Variants in RAP1GDS1 observed in about 807,000 individuals in gnomAD.
RAP1GDS1 encodes the protein RAP1, GTP-GDP dissociation stimulator 1.
RAP1GDS1 carries 35 observed loss-of-function variants against 71.1 expected under a neutral mutation model. The ratio of observed to expected loss-of-function variants is 0.49; its 90% CI spans 0.38 to 0.65. The LOEUF (loss-of-function observed/expected upper bound fraction) is 0.65, where lower values mean the gene tolerates loss of function less well. Among genes scored for constraint, RAP1GDS1 ranks in the 30% least tolerant of loss-of-function variants. The pLI is 0.00. For missense variants in RAP1GDS1, 663 were observed against 706.1 expected, an observed-to-expected ratio of 0.94 and a Z score of 0.69; for synonymous variants, 229 against 243.1, an observed-to-expected ratio of 0.94 and a Z score of 0.54.
chr4:98,416,004 A>T (rs1418367022), intron 7 of RAP1GDS1, among the ~76,000 whole-genome samples: 1 of 151,716 alleles, frequency 6.6e-6, no homozygotes, highest in Admixed American at 6.6e-5. Flanking sequence ...GTAACCTTGA[A>T]CTCCTGGCCT....
intron 5 of RAP1GDS1, among the ~76,000 whole-genome samples, chr4:98,389,482 C>T (rs1743277630): frequency 6.6e-6 from 1 of 152,066 alleles, no homozygotes; most frequent in African/African-American, 2.4e-5. Context: ...GTTCATCCAA[C>T]TGGATGGCTA....
intron 5 of RAP1GDS1, among the ~76,000 whole-genome samples, chr4:98,383,770 A>G (rs935323186): frequency 4.0e-5 from 6 of 151,586 alleles, no homozygotes; most frequent in Non-Finnish European, 7.4e-5. Flanking sequence ...TGCTACTTTC[A>G]GTCAATAGCA....
chr4:98,382,873 T>C (rs1240153265), intron 5 of RAP1GDS1, among the ~76,000 whole-genome samples: 1 of 151,700 alleles, frequency 6.6e-6, no homozygotes, highest in Non-Finnish European at 1.5e-5. Flanking sequence ...TTGATGTTCC[T>C]TATCTACGTA....
intron 2 of RAP1GDS1, among the ~76,000 whole-genome samples, chr4:98,305,908 G>A (rs979168930): frequency 2.0e-5 from 3 of 152,186 alleles, no homozygotes; most frequent in Non-Finnish European, 4.4e-5. Context: ...AATGTGATTT[G>A]AAATGATGCT....
At chr4:98,268,434 T>A (rs901991285) in intron 1 of RAP1GDS1, among the ~76,000 whole-genome samples, 4 of 152,090 alleles carry the variant, frequency 2.6e-5, no homozygotes, top group Non-Finnish European at 5.9e-5. Context: ...CTCTTGCCAC[T>A]GCTATTTAAG....
In RAP1GDS1 at chr4:98,308,156, A is replaced by ATGTG. The variant is rs1009990837; in HGVS notation, c.112+14655_112+14658dup. ...AAAGAATATATATATGTGTGTATATATGTGTGTGTGTGTGTGTATGTATGT... is the reference window on the plus strand; with the variant it reads ...AAAGAATATATATATGTGTGTATATATGTGTGTGTGTGTGTGTGTGTATGTATGT... On this transcript the variant is annotated intron_variant, in intron 2 of 14. Transcript: ENST00000408927. Among the ~76,000 whole-genome samples, 6 of 148,934 alleles carry ATGTG rather than the reference A, an allele frequency of 4.0e-5. No individual in the cohort carries two copies. In the South Asian group the frequency reaches 8.5e-4, roughly 21 times the overall value.
intron 2 of RAP1GDS1, among the ~76,000 whole-genome samples, chr4:98,300,713 A>G (rs935447568): frequency 2.6e-5 from 4 of 152,078 alleles, no homozygotes; most frequent in African/African-American, 7.2e-5. Context: ...TAGACATAAC[A>G]TTTATATCTA....
intron 2 of RAP1GDS1, among the ~76,000 whole-genome samples, chr4:98,311,598 A>G (rs917814857): frequency 5.3e-5 from 8 of 152,144 alleles, no homozygotes; most frequent in Non-Finnish European, 1.0e-4. Flanking sequence ...ACAGATACAT[A>G]TGATAAGAAA....
At chr4:98,340,815 A>C (rs970963664) in intron 2 of RAP1GDS1, among the ~76,000 whole-genome samples, 2 of 152,078 alleles carry the variant, frequency 1.3e-5, no homozygotes, top group Admixed American at 1.3e-4. Context: ...AGTGGGAGCT[A>C]AACATTGAGT....
At chr4:98,410,495 C>G (rs1746889297) in intron 7 of RAP1GDS1, among the ~76,000 whole-genome samples, 1 of 152,078 alleles carries the variant, frequency 6.6e-6, no homozygotes, top group Non-Finnish European at 1.5e-5. Context: ...ATAGATCCAA[C>G]AATTCTGCTC....
At chr4:98,377,650 G>A (rs1741358279) in intron 4 of RAP1GDS1, among the ~76,000 whole-genome samples, 1 of 150,960 alleles carries the variant, frequency 6.6e-6, no homozygotes, top group African/African-American at 2.4e-5. Flanking sequence ...GTGTGTGTGT[G>A]TATACCATAA....
intron 2 of RAP1GDS1, among the ~76,000 whole-genome samples, chr4:98,339,917 A>G (rs1409604750): frequency 2.0e-5 from 3 of 151,966 alleles, no homozygotes; most frequent in Non-Finnish European, 4.4e-5. Context: ...TTTACAAAGA[A>G]CTTAAAATAG....
At chr4:98,272,485 C>T (rs546056041) in intron 1 of RAP1GDS1, among the ~76,000 whole-genome samples, 58 of 152,076 alleles carry the variant, frequency 3.8e-4, no homozygotes, top group Non-Finnish European at 6.3e-4. Context: ...TAGCTCGGTT[C>T]GTTCAACTTT....
chr4:98,312,750 GAA>G (rs1047097046), intron 2 of RAP1GDS1, among the ~76,000 whole-genome samples: 9 of 151,768 alleles, frequency 5.9e-5, no homozygotes, highest in African/African-American at 1.9e-4. Context: ...TATAGAGAGA[GAA>G]ATAGGTATGG....
At chr4:98,355,703 C>T (rs1475263585) in intron 4 of RAP1GDS1, among the ~76,000 whole-genome samples, 2 of 152,112 alleles carry the variant, frequency 1.3e-5, no homozygotes, top group East Asian at 3.9e-4. Context: ...ACCATAAAAT[C>T]CGTGGAAATC....
chr4:98,270,320 G>A (rs933782428), intron 1 of RAP1GDS1, among the ~76,000 whole-genome samples: 3 of 152,132 alleles, frequency 2.0e-5, no homozygotes, highest in Admixed American at 6.5e-5. Flanking sequence ...ATAAAAGCCT[G>A]TGATTCCTTG....
rs556945198 is a variant in RAP1GDS1, at chr4:98,313,068, C to CAAAA, written c.112+19579_112+19582dup. Among the ~76,000 whole-genome samples the CAAAA allele has an allele frequency of 3.4e-4, 13 of 38,180 alleles. 1 individual carries two copies. Among genetic ancestry groups the CAAAA allele is most frequent in the South Asian group, 1.1e-3 (1 of 920 alleles). 25.0% of individuals were successfully genotyped at this position (38,180 alleles called of 152,430 possible). ...TGGGTGACAGAGCAAGACTCTGTCT[C>CAAAA]AAAAAAAAAAAAAAAAAAAAAAAAA... On this transcript the variant is annotated intron_variant, in intron 2 of 14. Coordinates refer to ENST00000408927, the MANE Select transcript of RAP1GDS1 (RefSeq NM_001100427.2).
chr4:98,413,668 C>T (rs1054315567), intron 7 of RAP1GDS1, among the ~76,000 whole-genome samples: 71 of 151,808 alleles, frequency 4.7e-4, no homozygotes, highest in African/African-American at 1.6e-3. Flanking sequence ...TGAATAATGC[C>T]GCAATAAACA....
chr4:98,420,866 A>G (rs1200505215), intron 11 of RAP1GDS1, among the ~76,000 whole-genome samples: 1 of 152,072 alleles, frequency 6.6e-6, no homozygotes, highest in African/African-American at 2.4e-5. Context: ...CAGGGAGAGC[A>G]TTTTTCTGTT....
Sources: gnomAD v4.1 joint callset for allele counts (sites outside exome capture counted in the v4.1 genomes callset) on GRCh38, gnomAD v4.1.1 for gene constraint, MANE v1.5 for transcripts, NCBI Gene and HGNC (gene_info 2026-07-23, HGNC 2026-07-21) for gene names.